The following BLM variants were observed in gnomAD, a reference collection of about 807,000 sequenced individuals.
The protein encoded by BLM is recQ-like DNA helicase BLM.
In BLM, 95 loss-of-function variants were observed where a neutral mutation model predicts 135.3. The ratio of observed to expected loss-of-function variants is 0.70; its 90% confidence interval spans 0.59 to 0.83. The LOEUF (loss-of-function observed/expected upper bound fraction) is 0.83. BLM is among the 40% of genes least tolerant of loss of function. The pLI, the probability that BLM is intolerant of heterozygous loss-of-function variation, is 0.00. For synonymous variants in BLM, 520 were observed against 589.2 expected (o/e 0.88, Z 1.70); for missense variants, 1,518 against 1,663.9 (o/e 0.91, Z 1.53).
At chr15:90,787,035 T>G in intron 14 of BLM, among the ~76,000 whole-genome samples, 1 of 119,996 alleles carries the variant, frequency 8.3e-6, no homozygotes, top group African/African-American at 3.2e-5. Context: ...TTTAGGCATC[T>G]CTTTTTTTTT....
rs1186926545 is a variant in BLM at position 90,800,343 on chromosome 15, C to CA, written c.3358+2007dup. 7.2e-5 allele frequency among the ~76,000 whole-genome samples: 11 copies of CA among 152,206 alleles called. No homozygotes were observed. The South Asian group carries it at 1.2e-3, about 17-fold the overall frequency. On this transcript the variant is annotated intron_variant, in intron 17 of 21. Coordinates refer to ENST00000355112, the MANE Select transcript of BLM (RefSeq NM_000057.4). The stretch of plus-strand genomic sequence containing the variant: ...GGGTCCAGTGAAGAAAACCCATAGT[C>CA]ACAGTCAGGCAGCAGGGCCAGTAAG...
At position 90,767,301 on chromosome 15, in the gene BLM, C is replaced by T. The variant is rs77547928; in HGVS notation, c.2307+278C>T. 9.8e-3 allele frequency among the ~76,000 whole-genome samples: 1,490 copies of T among 152,242 alleles called. 11 individuals are homozygous for T. The highest frequency in any genetic ancestry group is 0.018 in the Non-Finnish European group (1,207 of 68,016). On this transcript the variant is annotated intron_variant, in intron 10 of 21. Coordinates refer to ENST00000355112, the MANE Select transcript of BLM (RefSeq NM_000057.4). Reference sequence around the variant, plus strand: ...AAAAACAACGTATTCTCTCATATAACCTCAGTACAATGATCAAAATTAGGA... The same window carrying T: ...AAAAACAACGTATTCTCTCATATAATCTCAGTACAATGATCAAAATTAGGA...
In BLM at chr15:90,733,398, A is replaced by G. The variant is rs1198834110; in HGVS notation, c.-4-13991A>G. Among the ~76,000 whole-genome samples, 3 of 152,228 alleles carry G rather than the reference A, an allele frequency of 2.0e-5. No homozygotes were observed. The East Asian group carries it at 5.8e-4, about 29-fold the overall frequency. ...AAGTTATGAAATAACTGTCTCACTG[A>G]AAAATAAAAAACATGAGGTCCAAAT... On this transcript the variant is annotated intron_variant, in intron 1 of 21. Transcript: ENST00000355112.
intron 1 of BLM, among the ~76,000 whole-genome samples, chr15:90,724,526 T>C (rs992291289): frequency 6.6e-6 from 1 of 152,144 alleles, no homozygotes; most frequent in Non-Finnish European, 1.5e-5. Flanking sequence ...CAGGTGTTAG[T>C]GCAGACCCCA....
intron 4 of BLM, among the ~76,000 whole-genome samples, chr15:90,753,233 G>A (rs1444941106): frequency 7.9e-5 from 12 of 151,972 alleles, no homozygotes; most frequent in East Asian, 5.8e-4. Context: ...GCAACATAGC[G>A]AGACCCTCAT....
chr15:90,782,809 G>C lies in BLM; in HGVS notation c.2556-13G>C. ...CTCATAATAACTAAATTTTATGTTT[G>C]GGACTTTTTTAGGTTTAGCATGAGC... On this transcript the variant is annotated splice_polypyrimidine_tract_variant and intron_variant, in intron 12 of 21. Transcript: ENST00000355112. 6.4e-7 allele frequency: 1 copy of C among 1,574,550 alleles called. No individual in the cohort carries two copies. Among genetic ancestry groups the C allele is most frequent in the South Asian group, 1.1e-5 (1 of 90,194 alleles).
intron 10 of BLM, 68 bp downstream of exon 10, chr15:90,767,091 T>C (rs1319597115): frequency 9.2e-7 from 1 of 1,090,204 alleles, no homozygotes; most frequent in Non-Finnish European, 1.3e-6. Context: ...TTTAAGATTT[T>C]AACAAAATTT....
In BLM at chr15:90,794,333, T is replaced by A. The variant is rs774258877; in HGVS notation, c.3186T>A (p.Ser1062=). 6 of 1,600,960 alleles carry A rather than the reference T, an allele frequency of 3.7e-6. No individual in the cohort carries two copies. In the East Asian group the frequency reaches 6.8e-5, roughly 18 times the overall value. Residue 1062 remains serine, a synonymous_variant, in exon 16 of 22, where the codon TCT becomes TCA. Transcript: ENST00000355112. ...TTTGTAAGAAACACCCAGATGTTTCTTGTGATAATTGCTGTAAAACAAAGG... is the reference window on the plus strand; with the variant it reads ...TTTGTAAGAAACACCCAGATGTTTCATGTGATAATTGCTGTAAAACAAAGG... ...PDFCKKHPDV[S]CDNCCKTKDY... is the part of the protein sequence containing the mutation.
chr15:90,749,010 C>T (rs1224035846), intron 2 of BLM, among the ~76,000 whole-genome samples: 2 of 151,890 alleles, frequency 1.3e-5, no homozygotes, highest in Non-Finnish European at 2.9e-5. Context: ...CCACCTGCCT[C>T]GGCCTCCCAA....
At chr15:90,788,408 C>G (rs1003970566) in intron 14 of BLM, among the ~76,000 whole-genome samples, 4 of 148,942 alleles carry the variant, frequency 2.7e-5, no homozygotes, top group African/African-American at 9.9e-5. Context: ...TTTGTCTTCA[C>G]TGAAATACTG....
Position 90,813,517 on chromosome 15 carries a change from C to G in BLM, c.4077-1585C>G, listed in dbSNP as rs28385172. 7.5e-3 allele frequency among the ~76,000 whole-genome samples: 1,141 copies of G among 152,244 alleles called. 17 individuals carry two copies. The highest frequency in any genetic ancestry group is 0.026 in the African/African-American group (1,089 of 41,538). On this transcript the variant is annotated intron_variant, in intron 21 of 21. Transcript: ENST00000355112. ...CAAGCTATTCTCCTGCCTCAGCCTC[C>G]CAAGTAGCTGGGATTATGGGTGCAC...
chr15:90,815,380 T>C lies in BLM; in HGVS notation c.*101T>C, dbSNP rs1387494716. 7 of 1,251,196 alleles carry C rather than the reference T, an allele frequency of 5.6e-6. No homozygotes were observed. Among genetic ancestry groups the C allele is most frequent in the Non-Finnish European group, 6.9e-6 (6 of 868,294 alleles). 77.5% of individuals were successfully genotyped at this position (1,251,196 alleles called of 1,614,324 possible). A position where few individuals can be genotyped will look rare whatever the true frequency, so the allele number is the denominator to read the frequency against. On this transcript the variant is annotated 3_prime_UTR_variant, in exon 22 of 22. Coordinates refer to ENST00000355112, the MANE Select transcript of BLM (RefSeq NM_000057.4). The surrounding 1 kb of genome is among the most constrained non-coding windows in gnomAD (Gnocchi z 4.6). Reference sequence around the variant, plus strand: ...TTCTTGTTATACCATTTGAAGTTTTTACTCGTCTCTATTAATATTTAAATA... The same window carrying C: ...TTCTTGTTATACCATTTGAAGTTTTCACTCGTCTCTATTAATATTTAAATA...
intron 20 of BLM, 33 bp downstream of exon 20, chr15:90,809,292 C>T: frequency 2.5e-6 from 4 of 1,613,950 alleles, no homozygotes; most frequent in Non-Finnish European, 3.4e-6. Flanking sequence ...TCTCTAAAAG[C>T]CTGTTTAATG....
chr15:90,804,110 T>A (rs1047566655), intron 18 of BLM, 57 bp from the exon 19 acceptor site: 7 of 1,499,084 alleles, frequency 4.7e-6, no homozygotes, highest in Non-Finnish European at 6.5e-6. Flanking sequence ...ATAAAGCCCC[T>A]GTATGGGTAC....
At chr15:90,731,627 T>G (rs907471918) in intron 1 of BLM, among the ~76,000 whole-genome samples, 1 of 152,182 alleles carries the variant, frequency 6.6e-6, no homozygotes, top group Non-Finnish European at 1.5e-5. Flanking sequence ...TGTGTCCATC[T>G]CATCTAAATT....
chr15:90,796,281 G>C (rs1190975703), intron 16 of BLM, among the ~76,000 whole-genome samples: 1 of 152,194 alleles, frequency 6.6e-6, no homozygotes, highest in Non-Finnish European at 1.5e-5. Flanking sequence ...ACAGACTGGT[G>C]GCACATGGGT....
chr15:90,792,362 T>G (rs2151185786), intron 15 of BLM, among the ~76,000 whole-genome samples: 1 of 152,274 alleles, frequency 6.6e-6, no homozygotes, highest in East Asian at 1.9e-4. Context: ...CGCCTCAGCC[T>G]CCCAAAGTTC....
intron 12 of BLM, among the ~76,000 whole-genome samples, chr15:90,777,024 A>T (rs1370552025): frequency 1.3e-5 from 2 of 151,188 alleles, no homozygotes; most frequent in African/African-American, 4.9e-5. Flanking sequence ...TGTTTTGGAG[A>T]TGGGGTCTTA....
At chr15:90,747,263 A>AAAAG in intron 1 of BLM, 126 bp from the exon 2 acceptor site, 1 of 459,624 alleles carries the variant, frequency 2.2e-6, no homozygotes, top group Non-Finnish European at 3.8e-6. Context: ...AAAAAAAAAA[A>AAAAG]GTCCTATTAC....
Sources: gnomAD v4.1 joint callset for allele counts (sites outside exome capture counted in the v4.1 genomes callset) on GRCh38, gnomAD v4.1.1 for gene constraint, Gnocchi (gnomAD v3.1) non-coding constraint, MANE v1.5 for transcripts, NCBI Gene and HGNC (gene_info 2026-07-23, HGNC 2026-07-21) for gene names.